The following IRF8 variants were observed in gnomAD, a reference collection of about 807,000 sequenced individuals.
IRF8 encodes interferon consensus sequence binding protein 1.
Under a neutral mutation model 48.7 loss-of-function variants are expected in IRF8, and 14 were observed. The ratio of observed to expected loss-of-function variants is 0.29; its 90% CI spans 0.19 to 0.45. The LOEUF (loss-of-function observed/expected upper bound fraction) is 0.45. Among genes scored for constraint, IRF8 ranks in the 20% least tolerant of loss-of-function variants. IRF8 has a pLI of 1.00. For synonymous variants in IRF8, 278 were observed against 227.3 expected (o/e 1.22, Z -2.01); for missense variants, 493 against 580.7 (o/e 0.85, Z 1.55).
chr16:85,917,118 C>T (rs1010297568), intron 6 of IRF8, among the ~76,000 whole-genome samples: 1 of 152,102 alleles, frequency 6.6e-6, no homozygotes, highest in African/African-American at 2.4e-5. Flanking sequence ...CCAGCAGTGT[C>T]AGCAGGGAAT....
chr16:85,901,574 C>T (rs545734482), intron 1 of IRF8, among the ~76,000 whole-genome samples: 2 of 152,278 alleles, frequency 1.3e-5, no homozygotes, highest in South Asian at 2.1e-4. Flanking sequence ...GCTATGATGG[C>T]ACCACTGCAC....
intron 6 of IRF8, among the ~76,000 whole-genome samples, chr16:85,915,719 A>G (rs1195752615): frequency 6.6e-6 from 1 of 152,142 alleles, no homozygotes; most frequent in Non-Finnish European, 1.5e-5. Context: ...CTCGCCAGCC[A>G]CTGGGCTATG....
chr16:85,906,499 G>A (rs1307424694), intron 2 of IRF8, among the ~76,000 whole-genome samples: 2 of 152,240 alleles, frequency 1.3e-5, no homozygotes, highest in East Asian at 1.9e-4. Flanking sequence ...AGGGCAGGCG[G>A]CAAGCCAGGT....
intron 1 of IRF8, chr16:85,902,814 G>C (rs1904867379): frequency 1.6e-6 from 1 of 633,302 alleles, no homozygotes; most frequent in Admixed American, 2.3e-5. Flanking sequence ...GGAGCTTTCA[G>C]TTTGCACTCA....
chr16:85,907,113 G>A (rs1343610696), intron 2 of IRF8, among the ~76,000 whole-genome samples: 2 of 152,194 alleles, frequency 1.3e-5, no homozygotes, highest in African/African-American at 4.8e-5. Flanking sequence ...AGTTTTAGAG[G>A]GGAGTTTTAC....
At chr16:85,921,075 C>G in intron 8 of IRF8, 31 bp from the exon 9 acceptor site, 1 of 1,594,532 alleles carries the variant, frequency 6.3e-7, no homozygotes. Flanking sequence ...GCCTCCGCCT[C>G]TGCCTCTGAC....
At chr16:85,914,905 C>T (rs1905254672) in intron 6 of IRF8, among the ~76,000 whole-genome samples, 1 of 152,160 alleles carries the variant, frequency 6.6e-6, no homozygotes, top group African/African-American at 2.4e-5. Flanking sequence ...CTTTTGAGGC[C>T]ACTTTTCTTG....
chr16:85,921,579 C>A lies in IRF8; in HGVS notation c.*297C>A. On this transcript the variant is annotated 3_prime_UTR_variant, in exon 9 of 9. Coordinates refer to ENST00000268638, the MANE Select transcript of IRF8 (RefSeq NM_002163.4). ...GTTGCTATGATTCTTTCTGCATTTT[C>A]GGTTAACTATCATTTCCAAAGACTT... 4.9e-6 allele frequency: 2 copies of A among 405,750 alleles called. No homozygotes were observed. The highest frequency in any genetic ancestry group is 4.9e-5 in the South Asian group (2 of 41,150). 25.1% of individuals were successfully genotyped at this position (405,750 alleles called of 1,614,324 possible).
At chr16:85,907,302 C>G (rs1416719023) in intron 2 of IRF8, among the ~76,000 whole-genome samples, 2 of 152,314 alleles carry the variant, frequency 1.3e-5, no homozygotes, top group African/African-American at 2.4e-5. Flanking sequence ...TTTAAAGGAG[C>G]TGTGACTCAT....
chr16:85,911,175 C>T (rs1905130889), intron 3 of IRF8, among the ~76,000 whole-genome samples: 1 of 152,240 alleles, frequency 6.6e-6, no homozygotes, highest in Non-Finnish European at 1.5e-5. Context: ...AACCTGCCAA[C>T]ACGTTTTGCC....
rs766481893 is a variant in IRF8 at position 85,921,147 on chromosome 16, G to A, written c.1146G>A (p.Gly382=). 6.8e-6 allele frequency: 11 copies of A among 1,614,168 alleles called. No individual in the cohort carries two copies. The highest frequency in any genetic ancestry group is 8.5e-7 in the Non-Finnish European group (1 of 1,180,024). The change falls in exon 9 of 9, where the codon GGG becomes GGA. Residue 382 remains glycine (G), a synonymous_variant. Coordinates refer to ENST00000268638, the MANE Select transcript of IRF8 (RefSeq NM_002163.4). ...LYVRQLAEEA[G]KSCGAGSVMQ... ...TCCGGCAACTGGCAGAAGAGGCTGG[G>A]AAGAGCTGTGGAGCCGGCTCTGTGA... is the stretch of plus-strand genomic sequence containing the variant.
rs777733583 is a variant in IRF8, at chr16:85,920,332, C to T, written c.1104+108C>T. The T allele has an allele frequency of 5.5e-4, 406 of 741,668 alleles. 5 individuals are homozygous for T. Among genetic ancestry groups the T allele is most frequent in the South Asian group, 1.7e-3 (105 of 60,908 alleles). The allele number at this position is 741,668 out of a possible 1,614,324, so 45.9% of individuals were successfully genotyped here. A position where few individuals can be genotyped will look rare whatever the true frequency, so the allele number is the denominator to read the frequency against. ...CGTGACCTTGGCTCACTGCAACCTC[C>T]GCCTCCCGGGTTCAAGTGATTCTCC... On this transcript the variant is annotated intron_variant, in intron 8 of 8. Coordinates refer to ENST00000268638, the MANE Select transcript of IRF8 (RefSeq NM_002163.4).
Position 85,913,139 on chromosome 16 carries a change from G to A in IRF8, c.456G>A (p.Val152=), listed in dbSNP as rs781525361. The change falls in exon 5 of 9, where the codon GTG becomes GTA. Residue 152 remains valine, a synonymous_variant. Transcript: ENST00000268638. ...EIDELIKEPS[V]DDYMGMIKRS... ...CTCCCCTGACTGTGCAGCCTTCTGT[G>A]GACGATTACATGGGGATGATCAAAA... The A allele has an allele frequency of 3.7e-6, 6 of 1,613,892 alleles. No homozygotes were observed. In the East Asian group the frequency reaches 1.3e-4, roughly 36 times the overall value.
intron 2 of IRF8, among the ~76,000 whole-genome samples, chr16:85,908,554 T>C (rs1408069533): frequency 6.6e-6 from 1 of 152,250 alleles, no homozygotes; most frequent in Non-Finnish European, 1.5e-5. Context: ...TGTTCCCTTT[T>C]CATGCTAAAT....
intron 1 of IRF8, chr16:85,901,087 G>C (rs1230300712): frequency 6.6e-6 from 1 of 152,412 alleles, no homozygotes; most frequent in Admixed American, 6.5e-5. Context: ...CCAGGAAAGA[G>C]CTGCTAACTT....
chr16:85,920,881 C>G (rs1905535367), intron 8 of IRF8, among the ~76,000 whole-genome samples: 1 of 152,152 alleles, frequency 6.6e-6, no homozygotes, highest in Non-Finnish European at 1.5e-5. Flanking sequence ...GAATGAATCT[C>G]TAATGGTGGG....
At position 85,911,709 on chromosome 16, in the gene IRF8, T is replaced by C. The variant is rs556348356; in HGVS notation, c.447+51T>C. 10 of 1,509,956 alleles carry C rather than the reference T, an allele frequency of 6.6e-6. No individual in the cohort carries two copies. In the African/African-American group the frequency reaches 8.2e-5, roughly 12 times the overall value. 93.5% of individuals were successfully genotyped at this position (1,509,956 alleles called of 1,614,324 possible). On this transcript the variant is annotated intron_variant, in intron 4 of 8. Transcript: ENST00000268638. ...TCTGGCCCTGCCAGGAGGAGTCTCATGTCTTCTGGCAGGGAGGGGCACCGT... is the reference window on the plus strand; with the variant it reads ...TCTGGCCCTGCCAGGAGGAGTCTCACGTCTTCTGGCAGGGAGGGGCACCGT...
rs184043146 is a variant in IRF8, at chr16:85,903,931, C to T, written c.174+742C>T. On this transcript the variant is annotated intron_variant, in intron 2 of 8. Coordinates refer to ENST00000268638, the MANE Select transcript of IRF8 (RefSeq NM_002163.4). ...ATGCAAGATGGCCCAACTGTGAACC[C>T]TTGGTCCTAACTCCAGAATAGCTGA... 9.2e-5 allele frequency among the ~76,000 whole-genome samples: 14 copies of T among 152,330 alleles called. No individual in the cohort carries two copies. The East Asian group carries it at 1.9e-3, about 21-fold the overall frequency.
At position 85,921,350 on chromosome 16, in the gene IRF8, C is replaced by A; in HGVS notation, c.*68C>A. 1.3e-6 allele frequency: 2 copies of A among 1,512,926 alleles called. No homozygotes were observed. The highest frequency in any genetic ancestry group is 1.8e-6 in the Non-Finnish European group (2 of 1,096,590). 93.7% of individuals were successfully genotyped at this position (1,512,926 alleles called of 1,614,324 possible). On this transcript the variant is annotated 3_prime_UTR_variant, in exon 9 of 9. Transcript: ENST00000268638. ...ATCTCCCTGTTACAGTGGCCCGCAT[C>A]ATGATTAAAGAATGTGGATCCCTCT...
Sources: gnomAD v4.1 joint callset for allele counts (sites outside exome capture counted in the v4.1 genomes callset) on GRCh38, gnomAD v4.1.1 for gene constraint, MANE v1.5 for transcripts, NCBI Gene and HGNC (gene_info 2026-07-23, HGNC 2026-07-21) for gene names.